The following THRB variants were observed in gnomAD, a reference collection of about 807,000 sequenced individuals.
THRB encodes nuclear receptor subfamily 1 group A member 2.
THRB carries 12 observed loss-of-function variants against 47.8 expected under a neutral mutation model. That is an observed-to-expected ratio of 0.25 (90% CI 0.16 to 0.41). The LOEUF (loss-of-function observed/expected upper bound fraction) is 0.41. Ranked by LOEUF, THRB falls within the 10% of genes least tolerant of loss-of-function variation. THRB has a pLI of 1.00. For missense variants in THRB, 348 were observed against 589.2 expected (o/e 0.59, Z 4.24); for synonymous variants, 218 against 212.2 (o/e 1.03, Z -0.24).
chr3:24,169,696 ATATT>A (rs2040174851), intron 5 of THRB, among the ~76,000 whole-genome samples: 1 of 147,926 alleles, frequency 6.8e-6, no homozygotes, highest in East Asian at 2.0e-4. Flanking sequence ...TTATATATAT[ATATT>A]ATAATATATA....
intron 1 of THRB, among the ~76,000 whole-genome samples, chr3:24,347,362 T>C (rs944948341): frequency 6.6e-6 from 1 of 151,746 alleles, no homozygotes; most frequent in African/African-American, 2.4e-5. Context: ...AATAATACCA[T>C]ATTAGGGTCA....
chr3:24,465,970 C>T (rs1242884933), intron 1 of THRB, among the ~76,000 whole-genome samples: 6 of 152,084 alleles, frequency 3.9e-5, no homozygotes, highest in African/African-American at 1.2e-4. Flanking sequence ...GATAATCACT[C>T]TAAGCTCTTT....
At chr3:24,265,125 A>C (rs894038558) in intron 3 of THRB, among the ~76,000 whole-genome samples, 5 of 152,142 alleles carry the variant, frequency 3.3e-5, no homozygotes, top group Non-Finnish European at 5.9e-5. Flanking sequence ...ATTACACTGG[A>C]AAAAATAGGA....
chr3:24,204,152 G>A (rs2044978756), intron 4 of THRB, among the ~76,000 whole-genome samples: 1 of 152,364 alleles, frequency 6.6e-6, no homozygotes, highest in South Asian at 2.1e-4. Context: ...TTTGAAGAGA[G>A]TAGTGGTTCT....
chr3:24,479,962 TAAATACCTACTCC>T (rs1157829862), intron 1 of THRB, among the ~76,000 whole-genome samples: 5 of 152,216 alleles, frequency 3.3e-5, no homozygotes, highest in Non-Finnish European at 5.9e-5. Flanking sequence ...TTTTGGTGAA[TAAATACCTACTCC>T]CTTGCCTCTA....
At chr3:24,324,298 C>T (rs1219978240) in intron 2 of THRB, among the ~76,000 whole-genome samples, 1 of 151,984 alleles carries the variant, frequency 6.6e-6, no homozygotes, top group Non-Finnish European at 1.5e-5. Flanking sequence ...TTCCATCCAT[C>T]CATTCATTCT....
intron 4 of THRB, among the ~76,000 whole-genome samples, chr3:24,207,102 T>A (rs200893364): frequency 6.6e-6 from 1 of 152,078 alleles, no homozygotes; most frequent in East Asian, 1.9e-4. Context: ...CTGAAACTAT[T>A]CCAATCAATA....
chr3:24,449,713 A>G (rs1241939527), intron 1 of THRB, among the ~76,000 whole-genome samples: 1 of 152,200 alleles, frequency 6.6e-6, no homozygotes, highest in African/African-American at 2.4e-5. Context: ...TTCCCTAAAT[A>G]CTATATATGT....
intron 3 of THRB, among the ~76,000 whole-genome samples, chr3:24,236,696 G>GA (rs376332008): frequency 2.0e-5 from 3 of 151,838 alleles, no homozygotes; most frequent in African/African-American, 7.3e-5. Flanking sequence ...GAATTTTTGT[G>GA]AAAAAAAATT....
chr3:24,190,964 C>T (rs2043262342), intron 4 of THRB, among the ~76,000 whole-genome samples: 2 of 151,452 alleles, frequency 1.3e-5, no homozygotes, highest in African/African-American at 4.9e-5. Context: ...GCAATAAGAA[C>T]CGATGAAGGA....
intron 4 of THRB, among the ~76,000 whole-genome samples, chr3:24,210,371 C>T (rs1405570469): frequency 6.6e-6 from 1 of 151,868 alleles, no homozygotes; most frequent in African/African-American, 2.4e-5. Flanking sequence ...TGGGGAGATC[C>T]CCGGCTGGTG....
chr3:24,232,338 C>A (rs557840302), intron 3 of THRB, among the ~76,000 whole-genome samples: 1 of 152,322 alleles, frequency 6.6e-6, no homozygotes, highest in South Asian at 2.1e-4. Context: ...AGCTTCTAAA[C>A]TAACATAGGG....
intron 1 of THRB, among the ~76,000 whole-genome samples, chr3:24,404,955 C>A (rs914327782): frequency 1.3e-5 from 2 of 151,874 alleles, no homozygotes; most frequent in African/African-American, 4.8e-5. Flanking sequence ...TATAACCTTA[C>A]CAAACCTAAG....
intron 1 of THRB, among the ~76,000 whole-genome samples, chr3:24,396,437 G>A (rs1393647389): frequency 6.6e-6 from 1 of 152,092 alleles, no homozygotes; most frequent in African/African-American, 2.4e-5. Flanking sequence ...CACTCTGTGG[G>A]TGTTTCTGCC....
chr3:24,380,945 T>C (rs1361178853), intron 1 of THRB, among the ~76,000 whole-genome samples: 1 of 151,804 alleles, frequency 6.6e-6, no homozygotes, highest in African/African-American at 2.4e-5. Context: ...TGAAACCCCG[T>C]TTCTACTAAA....
intron 3 of THRB, among the ~76,000 whole-genome samples, chr3:24,232,755 G>A (rs1288030510): frequency 6.6e-6 from 1 of 152,162 alleles, no homozygotes; most frequent in Non-Finnish European, 1.5e-5. Flanking sequence ...AAAAGGTGCT[G>A]GAACTTGAGT....
At chr3:24,280,309 A>G (rs975475391) in intron 3 of THRB, among the ~76,000 whole-genome samples, 20 of 152,144 alleles carry the variant, frequency 1.3e-4, no homozygotes, top group African/African-American at 4.3e-4. Context: ...ACTGGGAGGC[A>G]CACCCCAGCA....
chr3:24,145,823 T>A (rs928723810), intron 7 of THRB, among the ~76,000 whole-genome samples: 3 of 152,204 alleles, frequency 2.0e-5, no homozygotes, highest in Non-Finnish European at 2.9e-5. Flanking sequence ...TCATTTTTTA[T>A]CTTTCTTTTT....
intron 1 of THRB, among the ~76,000 whole-genome samples, chr3:24,416,486 G>A (rs1577409246): frequency 6.6e-6 from 1 of 151,780 alleles, no homozygotes; most frequent in East Asian, 2.0e-4. Flanking sequence ...AGGAACAAGG[G>A]CAAGAATCTG....
Sources: allele counts gnomAD v4.1 joint callset (sites outside exome capture counted in the v4.1 genomes callset), GRCh38; gene constraint gnomAD v4.1.1; transcripts MANE v1.5; gene names NCBI Gene and HGNC (gene_info 2026-07-23, HGNC 2026-07-21).